FAM81A: variants seen among roughly 807,000 people sequenced by gnomAD.
The protein encoded by FAM81A is family with sequence similarity 81 member A.
FAM81A carries 19 observed loss-of-function variants against 46.7 expected under a neutral mutation model. The ratio of observed to expected loss-of-function variants is 0.41; its 90% CI spans 0.28 to 0.60. The LOEUF is 0.60. FAM81A is among the 20% of genes least tolerant of loss of function. The pLI, the probability that FAM81A is intolerant of heterozygous loss-of-function variation, is 0.34. For missense variants in FAM81A, 377 were observed against 453.5 expected (o/e 0.83, Z 1.53); for synonymous variants, 183 against 152.9 (o/e 1.20, Z -1.45).
At chr15:59,516,330 A>G (rs1054722063) in intron 7 of FAM81A, among the ~76,000 whole-genome samples, 3 of 151,986 alleles carry the variant, frequency 2.0e-5, no homozygotes, top group African/African-American at 7.3e-5. Context: ...GGGTTTCACC[A>G]TGTTGGCCAG....
chr15:59,517,129 A>T (rs1487983073), intron 8 of FAM81A, among the ~76,000 whole-genome samples: 1 of 152,214 alleles, frequency 6.6e-6, no homozygotes, highest in African/African-American at 2.4e-5. Context: ...TTTTCTGTTC[A>T]TAGCCAAGGT....
At chr15:59,500,539 C>G (rs1172860355) in intron 4 of FAM81A, among the ~76,000 whole-genome samples, 2 of 151,958 alleles carry the variant, frequency 1.3e-5, no homozygotes, top group Non-Finnish European at 2.9e-5. Flanking sequence ...TGGCCTCAAG[C>G]AATTCTCCTG....
At chr15:59,507,140 G>T in intron 4 of FAM81A, 73 bp from the exon 5 acceptor site, 1 of 1,512,974 alleles carries the variant, frequency 6.6e-7, no homozygotes, top group South Asian at 1.3e-5. Context: ...TTGCATTTCA[G>T]AGTGTATAAG....
chr15:59,504,110 ATG>A (rs1389953444), intron 4 of FAM81A, among the ~76,000 whole-genome samples: 1 of 152,196 alleles, frequency 6.6e-6, no homozygotes, highest in Non-Finnish European at 1.5e-5. Flanking sequence ...CTGGAAAATA[ATG>A]TCTTTTAAAA....
chr15:59,465,288 A>G (rs568217899), intron 3 of FAM81A, among the ~76,000 whole-genome samples: 2 of 152,128 alleles, frequency 1.3e-5, no homozygotes, highest in South Asian at 4.1e-4. Context: ...TTACTTATTT[A>G]TTGAGATACA....
upstream of FAM81A, among the ~76,000 whole-genome samples, chr15:59,436,479 G>A (rs2081244039): frequency 6.6e-6 from 1 of 152,160 alleles, no homozygotes; most frequent in Admixed American, 6.5e-5. Context: ...GGGACGTTAT[G>A]TGTCCATCTG....
intron 3 of FAM81A, among the ~76,000 whole-genome samples, chr15:59,465,885 C>T (rs553737939): frequency 2.2e-4 from 34 of 152,234 alleles, no homozygotes; most frequent in African/African-American, 7.7e-4. Flanking sequence ...GTGATGTTCC[C>T]TGCCATGTGT....
At chr15:59,401,742 G>T in intron 1 of FAM81A, 1 of 768,072 alleles carries the variant, frequency 1.3e-6, no homozygotes, top group South Asian at 1.4e-5. Flanking sequence ...AGATAGGCAG[G>T]TACTGCTCCC....
chr15:59,403,635 A>G (rs2081081468), intron 2 of FAM81A, among the ~76,000 whole-genome samples: 1 of 152,172 alleles, frequency 6.6e-6, no homozygotes, highest in Non-Finnish European at 1.5e-5. Context: ...TGGAAGTGTT[A>G]TCTCTGGCTA....
chr15:59,470,188 G>A (rs941018671), intron 3 of FAM81A, among the ~76,000 whole-genome samples: 5 of 152,020 alleles, frequency 3.3e-5, no homozygotes, highest in African/African-American at 1.2e-4. Flanking sequence ...ATGTGTCTTG[G>A]GGTTGCTCTT....
intron 3 of FAM81A, among the ~76,000 whole-genome samples, chr15:59,468,876 A>G (rs922572782): frequency 2.0e-4 from 30 of 152,156 alleles, no homozygotes; most frequent in East Asian, 7.7e-4. Flanking sequence ...TGTCTACACA[A>G]TGCTTTAAAT....
chr15:59,406,399 G>A (rs1268046353), intron 2 of FAM81A, among the ~76,000 whole-genome samples: 4 of 152,278 alleles, frequency 2.6e-5, no homozygotes, highest in Admixed American at 6.5e-5. Flanking sequence ...CATGGTTTGC[G>A]AGCAGTGGAG....
intron 3 of FAM81A, among the ~76,000 whole-genome samples, chr15:59,467,717 T>C (rs2081631783): frequency 1.3e-5 from 2 of 152,216 alleles, no homozygotes; most frequent in Non-Finnish European, 2.9e-5. Flanking sequence ...TTTTGCCTGA[T>C]TGCCCTGGCC....
intron 1 of FAM81A, among the ~76,000 whole-genome samples, chr15:59,449,744 T>C (rs956325597): frequency 8.7e-6 from 1 of 114,892 alleles, no homozygotes; most frequent in Non-Finnish European, 1.6e-5. Flanking sequence ...ATCGCGCCAC[T>C]GCACTCCAGC....
rs779984015 is a variant in FAM81A at position 59,519,440 on chromosome 15, C to T, written c.983-1814C>T. Among the ~76,000 whole-genome samples, 12 of 151,954 alleles carry T rather than the reference C, an allele frequency of 7.9e-5. 1 individual carries two copies. The highest frequency in any genetic ancestry group is 1.5e-4 in the Non-Finnish European group (10 of 67,898). ...CTGACCTCAAGTAATCCACCCGCCT[C>T]GGCCTGCCTTCCTCCCTCCCTCCCT... On this transcript the variant is annotated intron_variant, in intron 8 of 8. Coordinates refer to ENST00000288228, the MANE Select transcript of FAM81A (RefSeq NM_152450.3).
At chr15:59,420,225 A>G (rs1699198383) in intron 2 of FAM81A, among the ~76,000 whole-genome samples, 1 of 152,240 alleles carries the variant, frequency 6.6e-6, no homozygotes, top group Admixed American at 6.5e-5. Flanking sequence ...TGCAGCTTCT[A>G]GCGCTGATTC....
chr15:59,515,025 G>A (rs538925900), intron 7 of FAM81A, among the ~76,000 whole-genome samples: 4 of 151,984 alleles, frequency 2.6e-5, no homozygotes, highest in Non-Finnish European at 4.4e-5. Flanking sequence ...CGGGAGGATC[G>A]CTTGAGCCCA....
intron 2 of FAM81A, among the ~76,000 whole-genome samples, chr15:59,432,054 C>A (rs1351230885): frequency 6.6e-6 from 1 of 152,086 alleles, no homozygotes; most frequent in African/African-American, 2.4e-5. Context: ...TGTTATTTTT[C>A]TTTTTTCTTT....
chr15:59,503,913 T>C (rs1471038164), intron 4 of FAM81A, among the ~76,000 whole-genome samples: 1 of 152,178 alleles, frequency 6.6e-6, no homozygotes, highest in African/African-American at 2.4e-5. Context: ...GTTATAGTAC[T>C]TGTGTTTCCA....
Sources: gnomAD v4.1 joint callset for allele counts (sites outside exome capture counted in the v4.1 genomes callset) on GRCh38, gnomAD v4.1.1 for gene constraint, MANE v1.5 for transcripts, NCBI Gene and HGNC (gene_info 2026-07-23, HGNC 2026-07-21) for gene names.